Variants in DYRK1A observed in about 807,000 individuals in gnomAD.
The protein encoded by DYRK1A is dual specificity tyrosine phosphorylation regulated kinase 1A, also known as dual specificity tyrosine-phosphorylation-regulated kinase 1A.
Under a neutral mutation model 79.7 loss-of-function variants are expected in DYRK1A, and 9 were observed. The observed-to-expected ratio is 0.11, with a 90% CI of 0.07 to 0.20. The LOEUF is 0.20. Ranked by LOEUF, DYRK1A falls within the 10% of genes least tolerant of loss-of-function variation. DYRK1A has a pLI of 1.00. For synonymous variants in DYRK1A, 349 were observed against 329.7 expected, an observed-to-expected ratio of 1.06 and a Z score of -0.63; for missense variants, 622 against 956.0, an observed-to-expected ratio of 0.65 and a Z score of 4.61.
intron 2 of DYRK1A, among the ~76,000 whole-genome samples, chr21:37,445,937 G>A (rs896896614): frequency 1.3e-5 from 2 of 152,058 alleles, no homozygotes; most frequent in African/African-American, 2.4e-5. Context: ...TGAGGAGTTC[G>A]AGACCACCCT....
intron 2 of DYRK1A, among the ~76,000 whole-genome samples, chr21:37,451,761 A>G (rs1385131300): frequency 1.3e-5 from 2 of 152,142 alleles, no homozygotes; most frequent in African/African-American, 2.4e-5. Context: ...AATTTCTTAG[A>G]ACATATCCTC....
At chr21:37,381,819 C>T (rs1455368790) in intron 1 of DYRK1A, among the ~76,000 whole-genome samples, 3 of 152,132 alleles carry the variant, frequency 2.0e-5, no homozygotes, top group Non-Finnish European at 1.5e-5. Context: ...CAACAAAAAT[C>T]CCTGTAGCTT....
intron 2 of DYRK1A, among the ~76,000 whole-genome samples, chr21:37,465,975 G>A (rs948635915): frequency 6.6e-5 from 10 of 152,182 alleles, no homozygotes; most frequent in African/African-American, 2.4e-4. Flanking sequence ...TGTCACCTCC[G>A]CAAGACAGTG....
intron 11 of DYRK1A, among the ~76,000 whole-genome samples, chr21:37,506,666 TTTG>T (rs2053607933): frequency 6.6e-6 from 1 of 152,220 alleles, no homozygotes; most frequent in Non-Finnish European, 1.5e-5. Flanking sequence ...TTTTAGCCTT[TTTG>T]TTGTTGTTTT....
chr21:37,493,732 T>C (rs946506425), intron 8 of DYRK1A, among the ~76,000 whole-genome samples: 8 of 152,132 alleles, frequency 5.3e-5, no homozygotes, highest in African/African-American at 1.9e-4. Context: ...TCAGAGAAAT[T>C]AGACTTTCAT....
At chr21:37,503,383 A>T (rs2053507872) in intron 9 of DYRK1A, 1 of 151,750 alleles carries the variant, frequency 6.6e-6, no homozygotes, top group Non-Finnish European at 1.5e-5. Context: ...CCTTGTGCTG[A>T]GTCCAGTCTG....
rs1409555497 is a variant in DYRK1A at position 37,524,281 on chromosome 21, A to AT, written c.*11750_*11751insT. On this transcript the variant is annotated 3_prime_UTR_variant, in exon 12 of 12. Transcript: ENST00000647188. ...CCCATCTCCACAAAAAGTAAAAAAA[A>AT]ACCAAAATACATGTTGTTACTTCCC... 3 of 152,144 alleles carry AT rather than the reference A, an allele frequency of 2.0e-5. No homozygotes were observed. The highest frequency in any genetic ancestry group is 4.4e-5 in the Non-Finnish European group (3 of 68,036). 9.4% of individuals were successfully genotyped at this position (152,144 alleles called of 1,614,324 possible). A position where few individuals can be genotyped will look rare whatever the true frequency, so the allele number is the denominator to read the frequency against.
At chr21:37,452,680 G>A (rs191378751) in intron 2 of DYRK1A, among the ~76,000 whole-genome samples, 1 of 151,664 alleles carries the variant, frequency 6.6e-6, no homozygotes, top group East Asian at 1.9e-4. Context: ...GCAGGGAGAG[G>A]AATCCCACCC....
intron 6 of DYRK1A, chr21:37,488,918 C>G (rs903720141): frequency 1.1e-5 from 10 of 947,840 alleles, no homozygotes; most frequent in African/African-American, 8.8e-5. Flanking sequence ...TGACTAAGAG[C>G]AGATATTTTA....
In DYRK1A at chr21:37,513,631, T is replaced by C. The variant is rs549970514; in HGVS notation, c.*1100T>C. On this transcript the variant is annotated 3_prime_UTR_variant, in exon 12 of 12. Transcript: ENST00000647188. Reference sequence around the variant, plus strand: ...TGGAAATAGCTACAGCTGTGTCCCTTCCTGCTTTTTACTTTTTCTTTTGCT... The same window carrying C: ...TGGAAATAGCTACAGCTGTGTCCCTCCCTGCTTTTTACTTTTTCTTTTGCT... The C allele has an allele frequency of 6.5e-6, 1 of 152,760 alleles. No individual in the cohort carries two copies. The highest frequency in any genetic ancestry group is 2.4e-5 in the African/African-American group (1 of 41,586). The allele number at this position is 152,760 out of a possible 1,614,324, so 9.5% of individuals were successfully genotyped here.
At chr21:37,490,086 A>C (rs1336723721) in intron 6 of DYRK1A, 89 bp from the exon 7 acceptor site, 1 of 1,280,388 alleles carries the variant, frequency 7.8e-7, no homozygotes, top group African/African-American at 1.5e-5. Flanking sequence ...TTGATGTAAT[A>C]ATGTTATAGA....
intron 2 of DYRK1A, among the ~76,000 whole-genome samples, chr21:37,435,752 TAATAA>T (rs1178555426): frequency 6.6e-6 from 1 of 152,204 alleles, no homozygotes; most frequent in Non-Finnish European, 1.5e-5. Context: ...CGTTTGTATT[TAATAA>T]AATGTTGCAA....
At chr21:37,398,996 G>A (rs955757456) in intron 1 of DYRK1A, among the ~76,000 whole-genome samples, 1 of 151,230 alleles carries the variant, frequency 6.6e-6, no homozygotes, top group Non-Finnish European at 1.5e-5. Flanking sequence ...CTAGGACCTT[G>A]TAGGCAAATA....
At chr21:37,409,481 T>C (rs1279522174) in intron 1 of DYRK1A, among the ~76,000 whole-genome samples, 4 of 152,120 alleles carry the variant, frequency 2.6e-5, no homozygotes, top group Non-Finnish European at 5.9e-5. Context: ...AAAACAAATA[T>C]ATTTGTCCAT....
chr21:37,407,876 T>C lies in DYRK1A; in HGVS notation c.-76-12423T>C, dbSNP rs547409729. 7.9e-4 allele frequency among the ~76,000 whole-genome samples: 121 copies of C among 152,308 alleles called. 5 individuals are homozygous for C. The South Asian group carries it at 0.025, about 32-fold the overall frequency. ...GTGGAATCTGTCTCTATTGCCCAGC[T>C]TGGCACTATGAAGTTTGACCTGTGT... is the stretch of plus-strand genomic sequence containing the variant. On this transcript the variant is annotated intron_variant, in intron 1 of 11. Coordinates refer to ENST00000647188, the MANE Select transcript of DYRK1A (RefSeq NM_001347721.2).
intron 9 of DYRK1A, among the ~76,000 whole-genome samples, chr21:37,499,137 C>CT (rs1287165633): frequency 6.6e-6 from 1 of 152,042 alleles, no homozygotes; most frequent in African/African-American, 2.4e-5. Context: ...TATTTGTCAA[C>CT]TTTTTTTGTT....
At chr21:37,416,611 C>T (rs117897332) in intron 1 of DYRK1A, among the ~76,000 whole-genome samples, 3 of 151,990 alleles carry the variant, frequency 2.0e-5, no homozygotes, top group East Asian at 3.9e-4. Flanking sequence ...TTCTTTAATT[C>T]GTTAGTGTAA....
intron 1 of DYRK1A, among the ~76,000 whole-genome samples, chr21:37,412,271 A>C (rs1317329120): frequency 1.3e-5 from 2 of 152,214 alleles, no homozygotes; most frequent in African/African-American, 2.4e-5. Context: ...GAATAAGATA[A>C]GATCATACGT....
rs1265956547 is a variant in DYRK1A at position 37,367,511 on chromosome 21, G to A, written c.-194G>A. ...CGCGGCCAGGAGCCGGAGCGCCGGG[G>A]GCGGAGAGAGGCTGCCGGGGCGGCG... is the stretch of plus-strand genomic sequence containing the variant. On this transcript the variant is annotated 5_prime_UTR_variant, in exon 1 of 12. Transcript: ENST00000647188. 3 of 148,932 alleles carry A rather than the reference G, an allele frequency of 2.0e-5. No homozygotes were observed. The highest frequency in any genetic ancestry group is 6.7e-5 in the Admixed American group (1 of 15,004). 9.2% of individuals were successfully genotyped at this position (148,932 alleles called of 1,614,324 possible).
Sources: allele counts gnomAD v4.1 joint callset (sites outside exome capture counted in the v4.1 genomes callset), GRCh38; gene constraint gnomAD v4.1.1; transcripts MANE v1.5; gene names NCBI Gene and HGNC (gene_info 2026-07-23, HGNC 2026-07-21).